The following CDK7 variants were observed in gnomAD, a reference collection of about 807,000 sequenced individuals.
CDK7 encodes the protein cyclin-dependent kinase 7.
In CDK7, 25 loss-of-function variants were observed where a neutral mutation model predicts 49.1. The observed-to-expected ratio is 0.51, with a 90% CI of 0.37 to 0.71. CDK7 has a LOEUF of 0.71. Ranked by LOEUF, CDK7 falls within the 30% of genes least tolerant of loss-of-function variation. CDK7 has a pLI of 0.00. For missense variants in CDK7, 316 were observed against 411.7 expected, an observed-to-expected ratio of 0.77 and a Z score of 2.01; for synonymous variants, 107 against 140.0, an observed-to-expected ratio of 0.76 and a Z score of 1.67.
chr5:69,259,786 T>G, intron 6 of CDK7, 32 bp from the exon 7 acceptor site: 1 of 1,424,112 alleles, frequency 7.0e-7, no homozygotes, highest in Non-Finnish European at 9.9e-7. Context: ...CCTACCCTGC[T>G]TATTTGTTTG....
At chr5:69,265,394 G>C (rs1470553259) in intron 8 of CDK7, among the ~76,000 whole-genome samples, 1 of 149,816 alleles carries the variant, frequency 6.7e-6, no homozygotes, top group South Asian at 2.1e-4. Context: ...TTCAGAATAC[G>C]AAGGGGTAAG....
intron 2 of CDK7, among the ~76,000 whole-genome samples, chr5:69,241,599 C>T (rs1749392895): frequency 6.6e-6 from 1 of 152,146 alleles, no homozygotes; most frequent in African/African-American, 2.4e-5. Context: ...GCTGGGATTA[C>T]AGACATGAGC....
At chr5:69,261,681 C>T (rs1489300512) in intron 7 of CDK7, among the ~76,000 whole-genome samples, 1 of 152,096 alleles carries the variant, frequency 6.6e-6, no homozygotes, top group African/African-American at 2.4e-5. Flanking sequence ...CAGGCGCCCA[C>T]CACCATGCCT....
intron 2 of CDK7, among the ~76,000 whole-genome samples, chr5:69,243,839 T>TTG (rs1413917508): frequency 6.4e-5 from 9 of 139,834 alleles, no homozygotes; most frequent in African/African-American, 1.6e-4. Flanking sequence ...TTTTTTTTTT[T>TTG]TTTTTTTTTT....
chr5:69,268,155 G>A (rs1028233236), intron 8 of CDK7, among the ~76,000 whole-genome samples: 18 of 152,072 alleles, frequency 1.2e-4, no homozygotes, highest in African/African-American at 4.3e-4. Flanking sequence ...GAGAGACAGG[G>A]TTTCAGCATG....
chr5:69,244,461 C>T (rs561069575), intron 2 of CDK7, among the ~76,000 whole-genome samples: 62 of 151,892 alleles, frequency 4.1e-4, no homozygotes, highest in Non-Finnish European at 6.8e-4. Context: ...GGAGAAACCT[C>T]GTCTCTACTA....
At chr5:69,275,352 T>TTTA (rs1752011061) in intron 10 of CDK7, among the ~76,000 whole-genome samples, 1 of 152,206 alleles carries the variant, frequency 6.6e-6, no homozygotes, top group East Asian at 1.9e-4. Flanking sequence ...TTTTTAAGAA[T>TTTA]TTATATTTTA....
At chr5:69,273,358 G>A (rs1360293232) in intron 10 of CDK7, among the ~76,000 whole-genome samples, 1 of 152,036 alleles carries the variant, frequency 6.6e-6, no homozygotes, top group Non-Finnish European at 1.5e-5. Flanking sequence ...CTTTTTATTT[G>A]TTAAGAAACT....
rs1225819225 is a variant in CDK7, at chr5:69,277,244, C to T, written c.*109C>T. ...CTGTAGAAGTGAGTTTGTAAATATTCTACACATGTAAAATATGTAAAACTA... is the reference window on the plus strand; with the variant it reads ...CTGTAGAAGTGAGTTTGTAAATATTTTACACATGTAAAATATGTAAAACTA... On this transcript the variant is annotated 3_prime_UTR_variant, in exon 12 of 12. Coordinates refer to ENST00000256443, the MANE Select transcript of CDK7 (RefSeq NM_001799.4). 1.4e-5 allele frequency: 9 copies of T among 661,534 alleles called. No individual in the cohort carries two copies. Among genetic ancestry groups the T allele is most frequent in the Non-Finnish European group, 2.3e-5 (9 of 394,950 alleles). 41.0% of individuals were successfully genotyped at this position (661,534 alleles called of 1,614,324 possible). A position where few individuals can be genotyped will look rare whatever the true frequency, so the allele number is the denominator to read the frequency against.
intron 2 of CDK7, among the ~76,000 whole-genome samples, chr5:69,248,475 C>T (rs1749901491): frequency 6.6e-6 from 1 of 151,948 alleles, no homozygotes; most frequent in Non-Finnish European, 1.5e-5. Flanking sequence ...GCAACCTCCT[C>T]CTCCCGGGTT....
chr5:69,255,437 A>G (rs756125396), intron 4 of CDK7, 23 bp from the exon 5 acceptor site: 2 of 1,444,292 alleles, frequency 1.4e-6, no homozygotes, highest in African/African-American at 2.9e-5. Flanking sequence ...AGTGAATCAC[A>G]TTTTAATTTT....
At chr5:69,254,178 T>A (rs1006450462) in intron 3 of CDK7, among the ~76,000 whole-genome samples, 3 of 152,164 alleles carry the variant, frequency 2.0e-5, no homozygotes, top group African/African-American at 7.2e-5. Flanking sequence ...GTAGCCCTTA[T>A]TTTTGTGGGT....
chr5:69,259,766 A>C (rs1057110729), intron 6 of CDK7, 52 bp from the exon 7 acceptor site: 26 of 1,116,490 alleles, frequency 2.3e-5, no homozygotes, highest in Non-Finnish European at 3.3e-5. Flanking sequence ...GTAGCACTAC[A>C]GTGTTCTCCC....
At chr5:69,256,311 T>C (rs577661336) in intron 5 of CDK7, among the ~76,000 whole-genome samples, 2 of 152,126 alleles carry the variant, frequency 1.3e-5, no homozygotes, top group South Asian at 2.1e-4. Flanking sequence ...ATAATCAGAG[T>C]AATGTCATTC....
chr5:69,254,446 C>T (rs1750351978), intron 3 of CDK7, among the ~76,000 whole-genome samples, 156 bp from the exon 4 acceptor site: 1 of 144,518 alleles, frequency 6.9e-6, no homozygotes, highest in Non-Finnish European at 1.5e-5. Flanking sequence ...TGCTTGAACC[C>T]GGGAAGCAGA....
intron 10 of CDK7, among the ~76,000 whole-genome samples, chr5:69,275,305 T>C (rs548515585): frequency 6.2e-4 from 94 of 152,198 alleles, no homozygotes; most frequent in Non-Finnish European, 8.8e-4. Context: ...TTAGAATCCA[T>C]TGGTTCCAAC....
chr5:69,271,334 A>G (rs1751514208), intron 9 of CDK7, among the ~76,000 whole-genome samples: 1 of 152,072 alleles, frequency 6.6e-6, no homozygotes, highest in Non-Finnish European at 1.5e-5. Flanking sequence ...CTCTTCATAT[A>G]TTCTAGATAG....
chr5:69,239,298 T>C (rs1468642049), intron 2 of CDK7, among the ~76,000 whole-genome samples: 1 of 152,234 alleles, frequency 6.6e-6, no homozygotes, highest in Non-Finnish European at 1.5e-5. Context: ...TATGTACTTA[T>C]TGTTTCAATT....
At chr5:69,266,501 A>T (rs1390641763) in intron 8 of CDK7, among the ~76,000 whole-genome samples, 1 of 152,144 alleles carries the variant, frequency 6.6e-6, no homozygotes, top group Non-Finnish European at 1.5e-5. Context: ...AGGTGCTTAA[A>T]CCCACAAGGC....
Sources: allele counts gnomAD v4.1 joint callset (sites outside exome capture counted in the v4.1 genomes callset), GRCh38; gene constraint gnomAD v4.1.1; transcripts MANE v1.5; gene names NCBI Gene and HGNC (gene_info 2026-07-23, HGNC 2026-07-21).